The following TCF7L1 variants were observed in gnomAD, a reference collection of about 807,000 sequenced individuals.
TCF7L1 encodes the protein transcription factor 7-like 1.
Under a neutral mutation model 63.7 loss-of-function variants are expected in TCF7L1, and 18 were observed. That is an observed-to-expected ratio of 0.28 (90% CI 0.20 to 0.42). The LOEUF (loss-of-function observed/expected upper bound fraction) is 0.42, where lower values mean the gene tolerates loss of function less well. Among genes scored for constraint, TCF7L1 ranks in the 10% least tolerant of loss-of-function variants. TCF7L1 has a pLI of 1.00. For missense variants in TCF7L1, 654 were observed against 779.3 expected, an observed-to-expected ratio of 0.84 and a Z score of 1.91; for synonymous variants, 355 against 340.9, an observed-to-expected ratio of 1.04 and a Z score of -0.46.
At chr2:85,228,861 A>C (rs1379259634) in intron 3 of TCF7L1, among the ~76,000 whole-genome samples, 2 of 150,922 alleles carry the variant, frequency 1.3e-5, no homozygotes, top group African/African-American at 4.9e-5. Flanking sequence ...TAAAAAAAAA[A>C]ATACAAAAAA....
intron 8 of TCF7L1, among the ~76,000 whole-genome samples, chr2:85,305,975 A>T (rs927970905): frequency 1.3e-5 from 2 of 152,184 alleles, no homozygotes; most frequent in African/African-American, 2.4e-5. Flanking sequence ...TTCCTCTGTC[A>T]GGAAATTGGA....
chr2:85,252,430 G>A (rs1680613632), intron 3 of TCF7L1, among the ~76,000 whole-genome samples: 2 of 152,208 alleles, frequency 1.3e-5, no homozygotes, highest in Non-Finnish European at 2.9e-5. Flanking sequence ...TTCCACATGA[G>A]CATTTGCTAT....
intron 4 of TCF7L1, among the ~76,000 whole-genome samples, chr2:85,299,378 C>T (rs1340273295): frequency 6.6e-6 from 1 of 151,480 alleles, no homozygotes; most frequent in African/African-American, 2.4e-5. Flanking sequence ...GGTGAAACCC[C>T]ATCTCTACTA....
chr2:85,263,540 G>T (rs1273762941), intron 3 of TCF7L1, among the ~76,000 whole-genome samples: 3 of 152,172 alleles, frequency 2.0e-5, no homozygotes, highest in Non-Finnish European at 2.9e-5. Flanking sequence ...CCCAAGGTTT[G>T]TACAATACTC....
chr2:85,163,182 G>C (rs1486628757), intron 3 of TCF7L1, among the ~76,000 whole-genome samples: 1 of 152,188 alleles, frequency 6.6e-6, no homozygotes, highest in Non-Finnish European at 1.5e-5. Context: ...GATTCAACTG[G>C]TCTGGGGTGG....
intron 3 of TCF7L1, among the ~76,000 whole-genome samples, chr2:85,235,322 A>G (rs1680166523): frequency 6.6e-6 from 1 of 151,596 alleles, no homozygotes; most frequent in African/African-American, 2.4e-5. Flanking sequence ...GTTTGGCTTC[A>G]TTATGGACTT....
At chr2:85,173,731 A>G (rs1678606376) in intron 3 of TCF7L1, among the ~76,000 whole-genome samples, 2 of 146,652 alleles carry the variant, frequency 1.4e-5, no homozygotes, top group Admixed American at 1.3e-4. Flanking sequence ...TTTGCATTCC[A>G]TAGAATTCAT....
At position 85,302,571 on chromosome 2, in the gene TCF7L1, G is replaced by T. The variant is rs147750102; in HGVS notation, c.613G>T (p.Gly205Cys). The stretch of plus-strand genomic sequence containing the variant: ...CTACAGCAATGACCACTTCTCCCCC[G>T]GCTCCCCTCCCACCCACCTCTCCCC... The part of the protein sequence containing the change: ...ITYSNDHFSP[G>C]SPPTHLSPEI... The change falls in exon 5 of 12, where the codon GGC (glycine) becomes TGC (cysteine). Residue 205 changes from glycine to cysteine, a missense_variant. Physicochemically the swap from Gly to Cys is radical, Grantham distance 159 (BLOSUM62 -3). This residue lies in a region of TCF7L1 where 404 missense variants were observed against 454.8 expected (regional missense o/e 0.89). Transcript: ENST00000282111. 6.2e-7 allele frequency: 1 copy of T among 1,613,550 alleles called. No individual in the cohort carries two copies.
intron 3 of TCF7L1, among the ~76,000 whole-genome samples, chr2:85,178,029 A>C (rs1218539361): frequency 6.6e-6 from 1 of 152,150 alleles, no homozygotes; most frequent in African/African-American, 2.4e-5. Context: ...GACAGAGAGC[A>C]AGCAGATCAG....
chr2:85,172,951 G>A (rs753587407), intron 3 of TCF7L1, among the ~76,000 whole-genome samples: 9 of 152,222 alleles, frequency 5.9e-5, no homozygotes, highest in Non-Finnish European at 1.0e-4. Context: ...TACCACAGCA[G>A]CGCCACAAGG....
At chr2:85,272,631 CAA>C (rs569222504) in intron 3 of TCF7L1, among the ~76,000 whole-genome samples, 5 of 140,758 alleles carry the variant, frequency 3.6e-5, no homozygotes, top group Non-Finnish European at 3.1e-5. Context: ...CTGTCTCTAC[CAA>C]AAAAAAAAAA....
At chr2:85,202,262 GCT>G (rs1211606982) in intron 3 of TCF7L1, among the ~76,000 whole-genome samples, 2 of 152,006 alleles carry the variant, frequency 1.3e-5, no homozygotes, top group Non-Finnish European at 2.9e-5. Context: ...CCATGCCCGG[GCT>G]CTTTTGACCT....
At chr2:85,199,857 G>T (rs977726073) in intron 3 of TCF7L1, among the ~76,000 whole-genome samples, 1 of 152,138 alleles carries the variant, frequency 6.6e-6, no homozygotes, top group Non-Finnish European at 1.5e-5. Context: ...TCACGGAGTT[G>T]TGCAACCATC....
chr2:85,140,891 A>G (rs1162381548), intron 3 of TCF7L1, among the ~76,000 whole-genome samples: 2 of 121,040 alleles, frequency 1.7e-5, no homozygotes, highest in African/African-American at 3.3e-5. Context: ...CCTGGGCAAT[A>G]AGAGCGAAAG....
chr2:85,168,505 G>A (rs1017537452), intron 3 of TCF7L1, among the ~76,000 whole-genome samples: 44 of 152,202 alleles, frequency 2.9e-4, no homozygotes, highest in African/African-American at 1.0e-3. Context: ...GGGTGTCGGG[G>A]AGTCATGGAG....
chr2:85,255,443 G>C (rs1049626776), intron 3 of TCF7L1, among the ~76,000 whole-genome samples: 10 of 152,180 alleles, frequency 6.6e-5, no homozygotes, highest in Non-Finnish European at 1.3e-4. Flanking sequence ...AAATGGCTTT[G>C]ATGTATGGAA....
At chr2:85,245,205 A>C (rs933996449) in intron 3 of TCF7L1, among the ~76,000 whole-genome samples, 1 of 152,168 alleles carries the variant, frequency 6.6e-6, no homozygotes, top group Non-Finnish European at 1.5e-5. Flanking sequence ...CTTGGAACCT[A>C]AGCTGGACTG....
At position 85,146,497 on chromosome 2, in the gene TCF7L1, CTTTTTTTT is replaced by C. The variant is rs554058692; in HGVS notation, c.441+12061_441+12068del. 3.5e-4 allele frequency among the ~76,000 whole-genome samples: 36 copies of C among 103,580 alleles called. No homozygotes were observed. The South Asian group carries it at 9.5e-3, about 27-fold the overall frequency. 68.0% of individuals were successfully genotyped at this position (103,580 alleles called of 152,430 possible). A position where few individuals can be genotyped will look rare whatever the true frequency, so the allele number is the denominator to read the frequency against. On this transcript the variant is annotated intron_variant, in intron 3 of 11. Coordinates refer to ENST00000282111, the MANE Select transcript of TCF7L1 (RefSeq NM_031283.3). ...GGCATTTCTTTTCTTTTCTTTCTTTCTTTTTTTTTTTTTTTTTTTTTGAGATGGAGTTT... is the reference window on the plus strand; with the variant it reads ...GGCATTTCTTTTCTTTTCTTTCTTTCTTTTTTTTTTTTTGAGATGGAGTTT...
chr2:85,240,617 CAA>C (rs60695204), intron 3 of TCF7L1, among the ~76,000 whole-genome samples: 6 of 127,056 alleles, frequency 4.7e-5, no homozygotes, highest in East Asian at 2.4e-4. Context: ...ACTAAAAATA[CAA>C]AAAAAAAAAA....
Sources: allele counts gnomAD v4.1 joint callset (sites outside exome capture counted in the v4.1 genomes callset), GRCh38; gene constraint gnomAD v4.1.1; regional missense constraint gnomAD v4.1.1; transcripts MANE v1.5; gene names NCBI Gene and HGNC (gene_info 2026-07-23, HGNC 2026-07-21).